Variants in ARHGAP5 observed in about 807,000 individuals in gnomAD.
ARHGAP5 encodes the protein Rho GTPase activating protein 5.
A neutral mutation model predicts 116.6 loss-of-function variants in ARHGAP5; 23 were observed. That is an observed-to-expected ratio of 0.20 (90% CI 0.14 to 0.28). The LOEUF is 0.28. Ranked by LOEUF, ARHGAP5 falls within the 10% of genes least tolerant of loss-of-function variation. The probability of loss-of-function intolerance (pLI) is 1.00; values close to 1 mark genes in which losing one functional copy is unlikely to be tolerated. For synonymous variants in ARHGAP5, 574 were observed against 602.0 expected, an observed-to-expected ratio of 0.95 and a Z score of 0.68; for missense variants, 1,405 against 1,774.8, an observed-to-expected ratio of 0.79 and a Z score of 3.74.
At position 32,117,264 on chromosome 14, in the gene ARHGAP5, G is replaced by A; in HGVS notation, c.3842G>A (p.Cys1281Tyr). 6.2e-7 allele frequency: 1 copy of A among 1,604,634 alleles called. No individual in the cohort carries two copies. The highest frequency in any genetic ancestry group is 8.5e-7 in the Non-Finnish European group (1 of 1,174,496). ...EKPIPLFVEK[C>Y]VEFIEDTGLC... Reference sequence around the variant, plus strand: ...CCCATACCACTATTTGTTGAGAAATGTGTGGAATTTATTGAAGATACAGGT... The same window carrying A: ...CCCATACCACTATTTGTTGAGAAATATGTGGAATTTATTGAAGATACAGGT... Residue 1281 changes from cysteine (C) to tyrosine (Y), a missense_variant, in exon 3 of 7, where the codon TGT (cysteine) becomes TAT (tyrosine). By Grantham distance (194) the Cys-to-Tyr change is radical. Coordinates refer to ENST00000345122, the MANE Select transcript of ARHGAP5 (RefSeq NM_001030055.2).
intron 1 of ARHGAP5, among the ~76,000 whole-genome samples, chr14:32,084,639 G>A (rs979369824): frequency 3.3e-5 from 5 of 152,118 alleles, no homozygotes; most frequent in East Asian, 1.9e-4. Context: ...TAGTCACCAC[G>A]TAAATTGTTC....
At chr14:32,114,432 T>C (rs149454590) in intron 2 of ARHGAP5, among the ~76,000 whole-genome samples, 14 of 152,326 alleles carry the variant, frequency 9.2e-5, no homozygotes, top group Admixed American at 3.3e-4. Context: ...TATAGTCTCT[T>C]CATTTCCACT....
rs557450866 is a variant in ARHGAP5, at chr14:32,077,985, C to T, written c.-169+550C>T. 2.1e-3 allele frequency among the ~76,000 whole-genome samples: 325 copies of T among 152,278 alleles called. 2 individuals are homozygous for T. Among genetic ancestry groups the T allele is most frequent in the African/African-American group, 7.4e-3 (309 of 41,572 alleles). On this transcript the variant is annotated intron_variant, in intron 1 of 6. Coordinates refer to ENST00000345122, the MANE Select transcript of ARHGAP5 (RefSeq NM_001030055.2). ...TCGACTCCTCCCTGGGTTCTCTTCACCAATTTTCCATCTGCTTTGAAGCTT... is the reference window on the plus strand; with the variant it reads ...TCGACTCCTCCCTGGGTTCTCTTCATCAATTTTCCATCTGCTTTGAAGCTT...
intron 3 of ARHGAP5, among the ~76,000 whole-genome samples, chr14:32,130,968 G>A (rs1158693481): frequency 1.3e-5 from 2 of 152,188 alleles, no homozygotes; most frequent in Non-Finnish European, 2.9e-5. Flanking sequence ...TTTTTGGGAG[G>A]CTGGTGGGAG....
At chr14:32,117,848 C>A (rs1372622053) in intron 3 of ARHGAP5, among the ~76,000 whole-genome samples, 2 of 152,160 alleles carry the variant, frequency 1.3e-5, no homozygotes, top group African/African-American at 4.8e-5. Flanking sequence ...CTTATGTTTA[C>A]TTTGCCTAAT....
intron 1 of ARHGAP5, among the ~76,000 whole-genome samples, chr14:32,088,074 G>C (rs780745410): frequency 4.0e-5 from 6 of 151,886 alleles, no homozygotes; most frequent in Non-Finnish European, 8.8e-5. Context: ...GTATATCTCA[G>C]TATTTTGGGG....
chr14:32,097,512 A>G (rs1878584532), intron 2 of ARHGAP5, among the ~76,000 whole-genome samples: 2 of 152,230 alleles, frequency 1.3e-5, no homozygotes, highest in African/African-American at 4.8e-5. Flanking sequence ...AATTTATAAT[A>G]AACATCATCT....
At chr14:32,105,046 T>G (rs942316076) in intron 2 of ARHGAP5, among the ~76,000 whole-genome samples, 7 of 152,124 alleles carry the variant, frequency 4.6e-5, no homozygotes, top group African/African-American at 1.7e-4. Flanking sequence ...CAGGCCATCT[T>G]CCACAACAAA....
At chr14:32,150,307 T>G (rs1243874446) in intron 5 of ARHGAP5, among the ~76,000 whole-genome samples, 6 of 152,248 alleles carry the variant, frequency 3.9e-5, no homozygotes, top group African/African-American at 1.4e-4. Flanking sequence ...TTTGTGTTTT[T>G]AATTCAAACT....
chr14:32,119,433 T>G (rs1285442013), intron 3 of ARHGAP5, among the ~76,000 whole-genome samples: 1 of 152,114 alleles, frequency 6.6e-6, no homozygotes, highest in African/African-American at 2.4e-5. Context: ...TGAACAACCA[T>G]GAAGAAAATA....
At chr14:32,118,196 C>G (rs1461264299) in intron 3 of ARHGAP5, among the ~76,000 whole-genome samples, 1 of 152,144 alleles carries the variant, frequency 6.6e-6, no homozygotes, top group Non-Finnish European at 1.5e-5. Context: ...AATGTTGACA[C>G]TTTCAGTCTT....
intron 4 of ARHGAP5, among the ~76,000 whole-genome samples, chr14:32,149,180 T>TG (rs1201289754): frequency 2.0e-5 from 3 of 151,820 alleles, no homozygotes; most frequent in Non-Finnish European, 4.4e-5. Context: ...TGGCCTCTTT[T>TG]TTTTTTTTCC....
intron 3 of ARHGAP5, among the ~76,000 whole-genome samples, chr14:32,144,045 TG>T (rs1433432666): frequency 1.6e-4 from 24 of 152,140 alleles, no homozygotes; most frequent in African/African-American, 5.8e-4. Context: ...TGAAGAACCC[TG>T]GGGATGGAAA....
chr14:32,094,768 A>G (rs1878439479), intron 2 of ARHGAP5, among the ~76,000 whole-genome samples: 1 of 152,212 alleles, frequency 6.6e-6, no homozygotes. Flanking sequence ...TATTAATAAT[A>G]CAATAAAATT....
At chr14:32,080,327 A>G (rs1211363187) in intron 1 of ARHGAP5, among the ~76,000 whole-genome samples, 1 of 149,878 alleles carries the variant, frequency 6.7e-6, no homozygotes, top group African/African-American at 2.4e-5. Flanking sequence ...TATAAGAAAA[A>G]TATTTATTAT....
intron 4 of ARHGAP5, among the ~76,000 whole-genome samples, 166 bp from the exon 5 acceptor site, chr14:32,149,736 G>A (rs1326691816): frequency 6.6e-6 from 1 of 151,542 alleles, no homozygotes; most frequent in Non-Finnish European, 1.5e-5. Flanking sequence ...TTGTGCCACT[G>A]TATTCCAGCT....
chr14:32,077,506 G>A lies in ARHGAP5; in HGVS notation c.-169+71G>A. 4.5e-6 allele frequency: 3 copies of A among 661,570 alleles called. No homozygotes were observed. The South Asian group carries it at 4.8e-5, about 11-fold the overall frequency. 41.0% of individuals were successfully genotyped at this position (661,570 alleles called of 1,614,324 possible). A position where few individuals can be genotyped will look rare whatever the true frequency, so the allele number is the denominator to read the frequency against. On this transcript the variant is annotated intron_variant, in intron 1 of 6. Coordinates refer to ENST00000345122, the MANE Select transcript of ARHGAP5 (RefSeq NM_001030055.2). ...CCGGACGGGGACCCTCCTGCGGCTA[G>A]CTGCCCCGCTCGGTCGCCGCTGCCG...
At chr14:32,096,890 A>C (rs181205051) in intron 2 of ARHGAP5, among the ~76,000 whole-genome samples, 184 of 152,322 alleles carry the variant, frequency 1.2e-3, no homozygotes, top group Non-Finnish European at 2.1e-3. Context: ...ATACGTGCCA[A>C]AGTCTTAAAT....
At chr14:32,127,952 C>G (rs1318299982) in intron 3 of ARHGAP5, among the ~76,000 whole-genome samples, 1 of 148,128 alleles carries the variant, frequency 6.8e-6, no homozygotes, top group African/African-American at 2.5e-5. Flanking sequence ...CAGAGGTGCT[C>G]CCCACTTCCC....
Sources: gnomAD v4.1 joint callset for allele counts (sites outside exome capture counted in the v4.1 genomes callset) on GRCh38, gnomAD v4.1.1 for gene constraint, MANE v1.5 for transcripts, NCBI Gene and HGNC (gene_info 2026-07-23, HGNC 2026-07-21) for gene names.